LPAR1: variants seen among roughly 807,000 people sequenced by gnomAD.
LPAR1 encodes LPA receptor 1.
LPAR1 carries 5 observed loss-of-function variants against 23.8 expected under a neutral mutation model. The observed-to-expected ratio is 0.21, with a 90% CI of 0.11 to 0.44. LPAR1 has a LOEUF of 0.44. Ranked by LOEUF, LPAR1 falls within the 20% of genes least tolerant of loss-of-function variation. The pLI is 0.99. For missense variants in LPAR1, 311 were observed against 482.8 expected (o/e 0.64, Z 3.33); for synonymous variants, 160 against 164.7 (o/e 0.97, Z 0.22).
intron 2 of LPAR1, among the ~76,000 whole-genome samples, chr9:111,015,204 G>A (rs935643026): frequency 3.3e-5 from 5 of 152,090 alleles, no homozygotes; most frequent in Admixed American, 2.0e-4. Context: ...CACCCAGTCC[G>A]TGGGACTTCA....
intron 2 of LPAR1, among the ~76,000 whole-genome samples, chr9:110,977,299 C>A (rs2096572376): frequency 6.6e-6 from 1 of 152,146 alleles, no homozygotes; most frequent in Non-Finnish European, 1.5e-5. Flanking sequence ...AAGCAAGTAA[C>A]CTCTGGCTGC....
rs551571257 is a variant in LPAR1, at chr9:110,932,463, C to G, written c.793+8958G>C. Among the ~76,000 whole-genome samples the G allele has an allele frequency of 5.1e-4, 78 of 152,362 alleles. 1 individual carries two copies. Among genetic ancestry groups the G allele is most frequent in the Middle Eastern group, 6.8e-3 (2 of 294 alleles). On this transcript the variant is annotated intron_variant, in intron 5 of 5. Transcript: ENST00000683809. Reference sequence around the variant, plus strand: ...AGAACAGCAATCAGGTCTCATGAACCCAGCCATTCGTCATTTCTTCCATAC... The same window carrying G: ...AGAACAGCAATCAGGTCTCATGAACGCAGCCATTCGTCATTTCTTCCATAC...
rs377415020 is a variant in LPAR1 at position 110,918,543 on chromosome 9, C to T, written c.793+22878G>A. The stretch of plus-strand genomic sequence containing the variant: ...CATGCCACTGTGTTCAGGAAGTAAG[C>T]GGTCTGGATATAAGATTTCTAGCCA... On this transcript the variant is annotated intron_variant, in intron 5 of 5. Coordinates refer to ENST00000683809, the MANE Select transcript of LPAR1 (RefSeq NM_001351411.2). 2.8e-4 allele frequency among the ~76,000 whole-genome samples: 42 copies of T among 152,022 alleles called. No individual in the cohort carries two copies. In the South Asian group the frequency reaches 7.7e-3, roughly 28 times the overall value.
chr9:110,907,515 A>G (rs959178940), intron 5 of LPAR1, among the ~76,000 whole-genome samples: 1 of 152,190 alleles, frequency 6.6e-6, no homozygotes, highest in Admixed American at 6.5e-5. Context: ...TTCTGTAACA[A>G]TGTTAAACAT....
chr9:110,982,481 T>G (rs2096689699), intron 2 of LPAR1, among the ~76,000 whole-genome samples: 1 of 150,738 alleles, frequency 6.6e-6, no homozygotes, highest in Non-Finnish European at 1.5e-5. Flanking sequence ...TGTCAGGGGG[T>G]GATGGACTAG....
rs746236065 is a variant in LPAR1, at chr9:110,875,728, A to C, written c.794-6T>G. The stretch of plus-strand genomic sequence containing the variant: ...CCAGCAGATGATAAAGGCCCCTACA[A>C]GGACAAGGATAGGGATCAGAAGGAT... On this transcript the variant is annotated splice_region_variant and splice_polypyrimidine_tract_variant and intron_variant, in intron 5 of 5. Coordinates refer to ENST00000683809, the MANE Select transcript of LPAR1 (RefSeq NM_001351411.2). 42 of 1,566,198 alleles carry C rather than the reference A, an allele frequency of 2.7e-5. No homozygotes were observed. In the Admixed American group the frequency reaches 7.0e-4, roughly 26 times the overall value.
At chr9:110,968,881 C>G (rs924646799) in intron 4 of LPAR1, among the ~76,000 whole-genome samples, 3 of 152,020 alleles carry the variant, frequency 2.0e-5, no homozygotes, top group Non-Finnish European at 4.4e-5. Context: ...TTAAAATAAC[C>G]CTATCAGGTT....
chr9:110,954,717 CAAACAAAA>C (rs1378350479), intron 4 of LPAR1, among the ~76,000 whole-genome samples: 1 of 151,910 alleles, frequency 6.6e-6, no homozygotes, highest in Non-Finnish European at 1.5e-5. Context: ...AACAAACAAA[CAAACAAAA>C]AAAACTGCCA....
intron 2 of LPAR1, among the ~76,000 whole-genome samples, chr9:110,988,680 A>T (rs2096838712): frequency 6.6e-6 from 1 of 152,284 alleles, no homozygotes; most frequent in East Asian, 1.9e-4. Context: ...GAACCCTTAT[A>T]CATTGCTGGT....
At chr9:110,896,533 C>T (rs1466558019) in intron 5 of LPAR1, among the ~76,000 whole-genome samples, 1 of 152,232 alleles carries the variant, frequency 6.6e-6, no homozygotes, top group Non-Finnish European at 1.5e-5. Context: ...ATTTTTAAGA[C>T]ATTCCCCATT....
intron 5 of LPAR1, among the ~76,000 whole-genome samples, chr9:110,897,526 C>T (rs2086853557): frequency 6.6e-6 from 1 of 152,198 alleles, no homozygotes; most frequent in South Asian, 2.1e-4. Context: ...TGGAAAAGTT[C>T]TTATGCATCA....
chr9:110,985,806 T>A (rs2096768789), intron 2 of LPAR1, among the ~76,000 whole-genome samples: 1 of 152,098 alleles, frequency 6.6e-6, no homozygotes, highest in Non-Finnish European at 1.5e-5. Flanking sequence ...CCAAACTGTT[T>A]AGCCTCAAGG....
chr9:110,922,491 T>C (rs2093696995), intron 5 of LPAR1, among the ~76,000 whole-genome samples: 1 of 152,226 alleles, frequency 6.6e-6, no homozygotes, highest in African/African-American at 2.4e-5. Context: ...GGTGCATACA[T>C]ACCTTAGTAA....
intron 2 of LPAR1, among the ~76,000 whole-genome samples, chr9:111,027,021 T>G (rs1376218284): frequency 6.6e-6 from 1 of 152,194 alleles, no homozygotes; most frequent in Non-Finnish European, 1.5e-5. Context: ...GGTTTTAGTA[T>G]CAGGATGATG....
chr9:110,995,077 C>G (rs1018160841), intron 2 of LPAR1, among the ~76,000 whole-genome samples: 1 of 152,142 alleles, frequency 6.6e-6, no homozygotes, highest in African/African-American at 2.4e-5. Flanking sequence ...GCCCTAAGTA[C>G]TTCTGTTTCC....
chr9:110,886,454 C>T (rs1227393406), intron 5 of LPAR1, among the ~76,000 whole-genome samples: 1 of 150,296 alleles, frequency 6.7e-6, no homozygotes, highest in East Asian at 2.0e-4. Context: ...ACTCCAAGGC[C>T]TACAAAGAGA....
At chr9:110,925,785 C>G (rs1027909505) in intron 5 of LPAR1, among the ~76,000 whole-genome samples, 2 of 152,172 alleles carry the variant, frequency 1.3e-5, no homozygotes, top group Non-Finnish European at 2.9e-5. Flanking sequence ...AGCACTTGAA[C>G]AAATCTAATT....
rs2096447260 is a variant in LPAR1, at chr9:110,972,253, T to A, written c.-103-33A>T. ...ACAACAGGAAAACCCACATTTAGCATAAAAGGACTAGCATATGGGTGTGAA... is the reference window on the plus strand; with the variant it reads ...ACAACAGGAAAACCCACATTTAGCAAAAAAGGACTAGCATATGGGTGTGAA... On this transcript the variant is annotated intron_variant, in intron 3 of 5. Transcript: ENST00000683809. 9.3e-6 allele frequency: 7 copies of A among 752,942 alleles called. No individual in the cohort carries two copies. The East Asian group carries it at 1.7e-4, about 19-fold the overall frequency. The allele number at this position is 752,942 out of a possible 1,614,324, so 46.6% of individuals were successfully genotyped here.
intron 2 of LPAR1, among the ~76,000 whole-genome samples, chr9:111,016,382 C>T (rs1011987389): frequency 6.6e-6 from 1 of 152,200 alleles, no homozygotes; most frequent in South Asian, 2.1e-4. Flanking sequence ...ATAATGCCCA[C>T]CTGTCTATGC....
Sources: allele counts gnomAD v4.1 joint callset (sites outside exome capture counted in the v4.1 genomes callset), GRCh38; gene constraint gnomAD v4.1.1; transcripts MANE v1.5; gene names NCBI Gene and HGNC (gene_info 2026-07-23, HGNC 2026-07-21).